The following PLEKHH1 variants were observed in gnomAD, a reference collection of about 807,000 sequenced individuals.
PLEKHH1 encodes pleckstrin homology domain-containing family H member 1.
In PLEKHH1, 104 loss-of-function variants were observed where a neutral mutation model predicts 160.0. The observed-to-expected ratio is 0.65, with a 90% confidence interval of 0.55 to 0.76. The LOEUF (loss-of-function observed/expected upper bound fraction) is 0.76. Among genes scored for constraint, PLEKHH1 ranks in the 30% least tolerant of loss-of-function variants. The probability of loss-of-function intolerance (pLI) is 0.00; values close to 1 mark genes in which losing one functional copy is unlikely to be tolerated. For synonymous variants in PLEKHH1, 619 were observed against 678.4 expected, an observed-to-expected ratio of 0.91 and a Z score of 1.36; for missense variants, 1,427 against 1,724.1, an observed-to-expected ratio of 0.83 and a Z score of 3.05.
At position 67,584,061 on chromosome 14, in the gene PLEKHH1, C is replaced by T. The variant is rs536391316; in HGVS notation, c.3636C>T (p.Ile1212=). Reference sequence around the variant, plus strand: ...AAGGATGCTCCCCTCCTGAGTGCATCCGCATCTACCTGACCGTGGCCAGGA... The same window carrying T: ...AAGGATGCTCCCCTCCTGAGTGCATTCGCATCTACCTGACCGTGGCCAGGA... ...TLQGCSPPEC[I]RIYLTVARKW... Residue 1212 remains isoleucine (I), a synonymous_variant, in exon 26 of 29, where the codon ATC becomes ATT. Transcript: ENST00000329153. 1 of 1,614,018 alleles carries T rather than the reference C, an allele frequency of 6.2e-7. No homozygotes were observed. The highest frequency in any genetic ancestry group is 1.3e-5 in the African/African-American group (1 of 75,058).
intron 2 of PLEKHH1, among the ~76,000 whole-genome samples, chr14:67,550,322 G>A (rs544710827): frequency 6.6e-6 from 1 of 152,254 alleles, no homozygotes; most frequent in South Asian, 2.1e-4. Flanking sequence ...CTAAGTAGGT[G>A]GGACCACAGT....
intron 7 of PLEKHH1, chr14:67,568,927 C>T: frequency 1.8e-6 from 1 of 541,640 alleles, no homozygotes. Flanking sequence ...TTGATTCTCA[C>T]AGCAGCCTGA....
At chr14:67,583,475 C>T (rs1176088043) in intron 24 of PLEKHH1, among the ~76,000 whole-genome samples, 2 of 152,164 alleles carry the variant, frequency 1.3e-5, no homozygotes, top group African/African-American at 4.8e-5. Context: ...TGTCGGCTAC[C>T]AATTAACTGT....
chr14:67,538,027 G>A (rs146644140), intron 1 of PLEKHH1, among the ~76,000 whole-genome samples: 132 of 152,278 alleles, frequency 8.7e-4, no homozygotes, highest in African/African-American at 2.8e-3. Flanking sequence ...ACAGCTGATC[G>A]TAATTTTAGC....
intron 5 of PLEKHH1, among the ~76,000 whole-genome samples, chr14:67,560,001 C>G (rs2034762715): frequency 6.6e-6 from 1 of 152,138 alleles, no homozygotes; most frequent in African/African-American, 2.4e-5. Context: ...AGTGTCCACT[C>G]TCTCCACTTT....
At chr14:67,569,864 C>A in intron 8 of PLEKHH1, 57 bp from the exon 9 acceptor site, 5 of 1,126,482 alleles carry the variant, frequency 4.4e-6, no homozygotes, top group Non-Finnish European at 5.3e-6. Context: ...CTGCTTCCCC[C>A]ACACCCCTTC....
At chr14:67,536,532 C>G (rs2033726133) in intron 1 of PLEKHH1, among the ~76,000 whole-genome samples, 1 of 151,808 alleles carries the variant, frequency 6.6e-6, no homozygotes, top group Admixed American at 6.5e-5. Flanking sequence ...TCCAATGCCT[C>G]CTGCATCCTC....
Position 67,541,890 on chromosome 14 carries a change from C to T in PLEKHH1, c.23C>T (p.Ala8Val), listed in dbSNP as rs1276381530. 2.5e-6 allele frequency: 4 copies of T among 1,601,560 alleles called. No homozygotes were observed. The highest frequency in any genetic ancestry group is 1.7e-4 in the Middle Eastern group (1 of 6,038). Residue 8 changes from alanine (A) to valine (V), a missense_variant, in exon 2 of 29, where the codon GCG (alanine) becomes GTG (valine). Transcript: ENST00000329153. MAELKVE[A>V]PASVDWQKRC... is the part of the protein sequence containing the mutation. ...ATCATGGCAGAACTCAAGGTGGAGG[C>T]GCCGGCCAGCGTAGACTGGCAGAAA...
chr14:67,538,669 T>C (rs963031225), intron 1 of PLEKHH1, among the ~76,000 whole-genome samples: 1 of 152,164 alleles, frequency 6.6e-6, no homozygotes, highest in African/African-American at 2.4e-5. Context: ...TCCTGATCTA[T>C]TTCAAAACCT....
chr14:67,583,678 A>T, intron 24 of PLEKHH1, 63 bp from the exon 25 acceptor site: 1 of 1,295,922 alleles, frequency 7.7e-7, no homozygotes, highest in African/African-American at 1.5e-5. Flanking sequence ...ACCTCTCAAC[A>T]GCCCCCACCT....
rs2035739775 is a variant in PLEKHH1 at position 67,578,601 on chromosome 14, A to G, written c.2819A>G (p.Lys940Arg). 6.2e-7 allele frequency: 1 copy of G among 1,611,330 alleles called. No homozygotes were observed. The highest frequency in any genetic ancestry group is 8.5e-7 in the Non-Finnish European group (1 of 1,178,802). The change falls in exon 20 of 29, where the codon AAG becomes AGG. Residue 940 changes from lysine to arginine, a missense_variant. This residue lies in a region of PLEKHH1 where 436 missense variants were observed against 607.5 expected (regional missense o/e 0.72). Transcript: ENST00000329153. This position sits in a 1 kb window ranked among gnomAD's most constrained non-coding sequence, Gnocchi z 5.0. ...LPQHHFLWYV[K>R]QQLQRHADPR... ...CAGCATCACTTCCTCTGGTATGTCA[A>G]GCAGCAGCTCCAACGCCATGCAGAT... is the stretch of plus-strand genomic sequence containing the variant.
At chr14:67,544,465 A>G (rs2034099156) in intron 2 of PLEKHH1, among the ~76,000 whole-genome samples, 1 of 152,212 alleles carries the variant, frequency 6.6e-6, no homozygotes, top group Admixed American at 6.5e-5. Context: ...AGAGGAATAT[A>G]TAATCAAAAA....
intron 28 of PLEKHH1, chr14:67,586,840 T>C: frequency 1.3e-6 from 2 of 1,489,782 alleles, no homozygotes. Flanking sequence ...TGGGCCTCCT[T>C]TTCTCAGAAG....
rs1300884980 is a variant in PLEKHH1 at position 67,573,337 on chromosome 14, G to A, written c.1790G>A (p.Arg597Lys). 1 of 1,613,842 alleles carries A rather than the reference G, an allele frequency of 6.2e-7. No individual in the cohort carries two copies. The highest frequency in any genetic ancestry group is 8.5e-7 in the Non-Finnish European group (1 of 1,179,778). The stretch of plus-strand genomic sequence containing the variant: ...GGGAGCCAGGTGAAGACGTGGAAGA[G>A]GCGCTGGTTTGTCCTGAGACAGGGA... The part of the protein sequence containing the change: ...KMGSQVKTWK[R>K]RWFVLRQGQI... Residue 597 changes from arginine to lysine, a missense_variant, in exon 12 of 29, where the codon AGG becomes AAG. Arg to Lys is a conservative substitution (Grantham distance 26). Around this residue, in one of 6 missense-constraint regions of PLEKHH1, gnomAD observed 831 missense variants for 929.2 expected, o/e 0.89. Coordinates refer to ENST00000329153, the MANE Select transcript of PLEKHH1 (RefSeq NM_020715.3). This position sits in a 1 kb window ranked among gnomAD's most constrained non-coding sequence, Gnocchi z 4.8.
intron 28 of PLEKHH1, chr14:67,586,851 G>C: frequency 6.7e-7 from 1 of 1,503,098 alleles, no homozygotes; most frequent in Non-Finnish European, 8.9e-7. Context: ...TTCTCAGAAG[G>C]GCACTGTGCA....
chr14:67,549,647 G>C (rs1306638530), intron 2 of PLEKHH1, among the ~76,000 whole-genome samples: 1 of 152,178 alleles, frequency 6.6e-6, no homozygotes, highest in South Asian at 2.1e-4. Flanking sequence ...CAGGAACCAT[G>C]TATGGATGAG....
At chr14:67,555,393 G>A (rs2034552324) in intron 2 of PLEKHH1, among the ~76,000 whole-genome samples, 1 of 152,226 alleles carries the variant, frequency 6.6e-6, no homozygotes, top group South Asian at 2.1e-4. Flanking sequence ...GTGGGGAGAA[G>A]TGTTTTCTAT....
chr14:67,551,395 C>T (rs944816795), intron 2 of PLEKHH1, among the ~76,000 whole-genome samples: 2 of 152,154 alleles, frequency 1.3e-5, no homozygotes, highest in African/African-American at 4.8e-5. Context: ...AAGCCATGCA[C>T]ATGTACTTTA....
chr14:67,569,320 G>A, intron 8 of PLEKHH1, 104 bp downstream of exon 8: 1 of 756,626 alleles, frequency 1.3e-6, no homozygotes, highest in Non-Finnish European at 2.3e-6. Context: ...AGGGTTGGCT[G>A]GCCTACCCTG....
Sources: gnomAD v4.1 joint callset for allele counts (sites outside exome capture counted in the v4.1 genomes callset) on GRCh38, gnomAD v4.1.1 for gene constraint, gnomAD v4.1.1 regional missense constraint, Gnocchi (gnomAD v3.1) non-coding constraint, MANE v1.5 for transcripts, NCBI Gene and HGNC (gene_info 2026-07-23, HGNC 2026-07-21) for gene names.